The following ANKRD31 variants were observed in gnomAD, a reference collection of about 807,000 sequenced individuals.
The protein encoded by ANKRD31 is ankyrin repeat domain 31.
Under a neutral mutation model 186.0 loss-of-function variants are expected in ANKRD31, and 147 were observed. That is an observed-to-expected ratio of 0.79 (90% CI 0.69 to 0.91). ANKRD31 has a LOEUF of 0.91. Among genes scored for constraint, ANKRD31 ranks in the 40% least tolerant of loss-of-function variants. The probability of loss-of-function intolerance (pLI) is 0.00; values close to 1 mark genes in which losing one functional copy is unlikely to be tolerated. For synonymous variants in ANKRD31, 673 were observed against 736.4 expected, an observed-to-expected ratio of 0.91 and a Z score of 1.39; for missense variants, 1,986 against 2,148.8, an observed-to-expected ratio of 0.92 and a Z score of 1.50.
intron 3 of ANKRD31, among the ~76,000 whole-genome samples, chr5:75,214,161 T>TACTGCTTCA (rs1756821442): frequency 6.6e-6 from 1 of 152,226 alleles, no homozygotes; most frequent in African/African-American, 2.4e-5. Context: ...ACCATCTGTG[T>TACTGCTTCA]ACTGCTTCAG....
rs1300162681 is a variant in ANKRD31 at position 75,144,182 on chromosome 5, C to T, written c.3425-11G>A. The T allele has an allele frequency of 5.0e-6, 2 of 396,678 alleles. No individual in the cohort carries two copies. The highest frequency in any genetic ancestry group is 8.9e-6 in the Non-Finnish European group (2 of 224,844). 24.6% of individuals were successfully genotyped at this position (396,678 alleles called of 1,614,324 possible). On this transcript the variant is annotated splice_polypyrimidine_tract_variant and intron_variant, in intron 14 of 25. Transcript: ENST00000506364. ...TAGTTAATTCCTCATCTGAAACAAA[C>T]ATTTTACAATATCAGTGTTGTTGTT...
At chr5:75,162,162 C>A (rs1377304718) in intron 11 of ANKRD31, among the ~76,000 whole-genome samples, 2 of 152,182 alleles carry the variant, frequency 1.3e-5, no homozygotes, top group Admixed American at 1.3e-4. Flanking sequence ...CAGAGATACT[C>A]AACACCAGCC....
chr5:75,209,367 C>T (rs1255290926), intron 4 of ANKRD31, among the ~76,000 whole-genome samples: 1 of 152,056 alleles, frequency 6.6e-6, no homozygotes, highest in Non-Finnish European at 1.5e-5. Context: ...AACAAGTGCA[C>T]AGGTGTTTTA....
At chr5:75,199,886 T>C (rs1166611702) in intron 5 of ANKRD31, among the ~76,000 whole-genome samples, 1 of 152,206 alleles carries the variant, frequency 6.6e-6, no homozygotes, top group East Asian at 1.9e-4. Flanking sequence ...ATATTTTATA[T>C]AGCTCCAAAA....
At chr5:75,073,407 A>G (rs1744396924) in intron 25 of ANKRD31, among the ~76,000 whole-genome samples, 1 of 152,170 alleles carries the variant, frequency 6.6e-6, no homozygotes, top group African/African-American at 2.4e-5. Context: ...AGAAATCATC[A>G]CTATGTTGTT....
At chr5:75,086,171 C>T (rs144359263) in intron 23 of ANKRD31, among the ~76,000 whole-genome samples, 1 of 152,314 alleles carries the variant, frequency 6.6e-6, no homozygotes, top group East Asian at 1.9e-4. Flanking sequence ...ATATCTCAGA[C>T]TTTAAAAATA....
At chr5:75,235,179 A>G (rs1256356296) in intron 1 of ANKRD31, among the ~76,000 whole-genome samples, 5 of 143,484 alleles carry the variant, frequency 3.5e-5, no homozygotes, top group African/African-American at 1.3e-4. Context: ...AATTGCTCTT[A>G]TTTATTTTAC....
At position 75,148,593 on chromosome 5, in the gene ANKRD31, C is replaced by T. The variant is rs1490285604; in HGVS notation, c.1888G>A (p.Asp630Asn). 1.3e-6 allele frequency: 2 copies of T among 1,525,104 alleles called. No individual in the cohort carries two copies. Among genetic ancestry groups the T allele is most frequent in the African/African-American group, 1.4e-5 (1 of 72,456 alleles). 94.5% of individuals were successfully genotyped at this position (1,525,104 alleles called of 1,614,324 possible). Residue 630 changes from aspartate (D) to asparagine (N), a missense_variant, in exon 13 of 26, where the codon GAT (aspartate) becomes AAT (asparagine). Asp to Asn is a conservative substitution (Grantham distance 23). Coordinates refer to ENST00000506364, the MANE Select transcript of ANKRD31 (RefSeq NM_001372053.1). ...AGATATACCTTGTGTTGGTACACAT[C>T]CTCTATGTCTAGTGGGTCAATGCTA... is the stretch of plus-strand genomic sequence containing the variant. Reference protein sequence around the residue: ...RSSIDPLDIEDVYQHKKPKFS... With the variant: ...RSSIDPLDIENVYQHKKPKFS...
intron 11 of ANKRD31, among the ~76,000 whole-genome samples, chr5:75,165,939 T>C (rs543714522): frequency 2.0e-4 from 30 of 152,330 alleles, no homozygotes; most frequent in African/African-American, 6.7e-4. Flanking sequence ...GAAATCTGAA[T>C]ATAGACTGGA....
At position 75,210,848 on chromosome 5, in the gene ANKRD31, TTC is replaced by T. The variant is rs1756581939; in HGVS notation, c.304_305del (p.Glu102ThrfsTer9). On this transcript the variant is annotated frameshift_variant, in exon 4 of 26. Coordinates refer to ENST00000506364, the MANE Select transcript of ANKRD31 (RefSeq NM_001372053.1). LOFTEE classifies it high-confidence loss of function. ...DTILQSQDET[E>X]RNQALLQTRK... ...CTTACTGTAACAGAGCTTGATTTCG[TTC>T]TGTTTCATCTTGAGACTGCTAGGAA... is the stretch of plus-strand genomic sequence containing the variant. 2.0e-6 allele frequency: 3 copies of T among 1,515,498 alleles called. No individual in the cohort carries two copies. Among genetic ancestry groups the T allele is most frequent in the South Asian group, 1.3e-5 (1 of 78,348 alleles). 93.9% of individuals were successfully genotyped at this position (1,515,498 alleles called of 1,614,324 possible). A position where few individuals can be genotyped will look rare whatever the true frequency, so the allele number is the denominator to read the frequency against.
intron 24 of ANKRD31, among the ~76,000 whole-genome samples, chr5:75,084,048 TC>T (rs1286313149): frequency 6.6e-6 from 1 of 152,214 alleles, no homozygotes; most frequent in African/African-American, 2.4e-5. Context: ...GTACAGGGTT[TC>T]TTTTTGGGGT....
chr5:75,189,117 C>G lies in ANKRD31; in HGVS notation c.1409-469G>C, dbSNP rs113991137. On this transcript the variant is annotated intron_variant, in intron 9 of 25. Coordinates refer to ENST00000506364, the MANE Select transcript of ANKRD31 (RefSeq NM_001372053.1). Reference sequence around the variant, plus strand: ...GATACAAAAACTAATCCCAGTGAGACTGGAAAAGGGAATGCAAAATTCTCC... The same window carrying G: ...GATACAAAAACTAATCCCAGTGAGAGTGGAAAAGGGAATGCAAAATTCTCC... Among the ~76,000 whole-genome samples the G allele has an allele frequency of 3.0e-3, 457 of 152,232 alleles. 3 individuals carry two copies. The highest frequency in any genetic ancestry group is 9.8e-3 in the African/African-American group (407 of 41,542).
chr5:75,186,842 CT>C (rs1754746697), intron 10 of ANKRD31, among the ~76,000 whole-genome samples: 2 of 152,006 alleles, frequency 1.3e-5, no homozygotes, highest in South Asian at 2.1e-4. Flanking sequence ...GGCAGTGGGC[CT>C]TTTTTTAAAT....
intron 10 of ANKRD31, among the ~76,000 whole-genome samples, chr5:75,182,734 A>G (rs75678859): frequency 6.6e-6 from 1 of 151,892 alleles, no homozygotes; most frequent in South Asian, 2.1e-4. Context: ...AAAAAAAAAA[A>G]GACTAAAATG....
chr5:75,084,579 C>T (rs1241953693), intron 23 of ANKRD31, among the ~76,000 whole-genome samples: 2 of 152,134 alleles, frequency 1.3e-5, no homozygotes. Context: ...CATTCATTTA[C>T]TTAACATCTA....
Position 75,103,152 on chromosome 5 carries a change from C to T in ANKRD31, c.5331+1076G>A, listed in dbSNP as rs1004143696. 2.0e-5 allele frequency among the ~76,000 whole-genome samples: 3 copies of T among 152,282 alleles called. No homozygotes were observed. The East Asian group carries it at 5.8e-4, about 29-fold the overall frequency. On this transcript the variant is annotated intron_variant, in intron 22 of 25. Coordinates refer to ENST00000506364, the MANE Select transcript of ANKRD31 (RefSeq NM_001372053.1). ...TTTCTGCATATGGCTAGCCAGTTCT[C>T]TCAGCACCATTTATTAAATAGGGAA...
intron 3 of ANKRD31, among the ~76,000 whole-genome samples, chr5:75,212,355 G>A (rs1381483220): frequency 6.6e-6 from 1 of 152,120 alleles, no homozygotes; most frequent in Admixed American, 6.6e-5. Flanking sequence ...GGTCACACCT[G>A]TAATCCTGGC....
chr5:75,074,904 T>A (rs1048372563), intron 25 of ANKRD31, among the ~76,000 whole-genome samples: 9 of 152,206 alleles, frequency 5.9e-5, no homozygotes, highest in African/African-American at 1.9e-4. Flanking sequence ...CCTAGCTTCT[T>A]CCTTTTTAAA....
At chr5:75,069,449 A>G (rs1450484810) in intron 25 of ANKRD31, among the ~76,000 whole-genome samples, 3 of 152,130 alleles carry the variant, frequency 2.0e-5, no homozygotes, top group Admixed American at 1.3e-4. Flanking sequence ...ATTTGCTTAG[A>G]TCTACACCAA....
Sources: allele counts gnomAD v4.1 joint callset (sites outside exome capture counted in the v4.1 genomes callset), GRCh38; gene constraint gnomAD v4.1.1; transcripts MANE v1.5; gene names NCBI Gene and HGNC (gene_info 2026-07-23, HGNC 2026-07-21).